The following QSOX1 variants were observed in gnomAD, a reference collection of about 807,000 sequenced individuals.
QSOX1 encodes the protein quiescin sulfhydryl oxidase 1, also known as sulfhydryl oxidase 1.
QSOX1 carries 40 observed loss-of-function variants against 76.1 expected under a neutral mutation model. The observed-to-expected ratio is 0.53, with a 90% CI of 0.41 to 0.68. QSOX1 has a LOEUF of 0.68. Among genes scored for constraint, QSOX1 ranks in the 30% least tolerant of loss-of-function variants. The pLI is 0.00. For synonymous variants in QSOX1, 392 were observed against 413.1 expected (o/e 0.95, Z 0.62); for missense variants, 931 against 974.3 (o/e 0.96, Z 0.59).
chr1:180,163,496 C>T (rs1662540223), intron 1 of QSOX1, among the ~76,000 whole-genome samples: 1 of 152,164 alleles, frequency 6.6e-6, no homozygotes, highest in Non-Finnish European at 1.5e-5. Flanking sequence ...TTCACCATTT[C>T]ATAATTTCTA....
intron 6 of QSOX1, among the ~76,000 whole-genome samples, chr1:180,182,583 T>C (rs944574532): frequency 5.3e-5 from 8 of 151,792 alleles, no homozygotes; most frequent in African/African-American, 1.9e-4. Context: ...CCTCATTACG[T>C]CCCCACCACA....
At position 180,194,279 on chromosome 1, in the gene QSOX1, G is replaced by A. The variant is rs1385785865; in HGVS notation, c.1355G>A (p.Cys452Tyr). The A allele has an allele frequency of 6.2e-7, 1 of 1,613,038 alleles. No homozygotes were observed. Among genetic ancestry groups the A allele is most frequent in the African/African-American group, 1.3e-5 (1 of 74,914 alleles). Residue 452 changes from cysteine (C) to tyrosine (Y), a missense_variant, in exon 11 of 12, where the codon TGC becomes TAC. Transcript: ENST00000367602. Reference protein sequence around the residue: ...YVHYFFGCRDCASHFEQMAAA... With the variant: ...YVHYFFGCRDYASHFEQMAAA... ...CACTACTTCTTCGGCTGCCGAGACTGCGCTAGCCACTTCGAGCAGATGGCT... is the reference window on the plus strand; with the variant it reads ...CACTACTTCTTCGGCTGCCGAGACTACGCTAGCCACTTCGAGCAGATGGCT...
Position 180,197,560 on chromosome 1 carries a change from G to A in QSOX1, c.*523G>A. 1 of 648,696 alleles carries A rather than the reference G, an allele frequency of 1.5e-6. No individual in the cohort carries two copies. The highest frequency in any genetic ancestry group is 2.6e-6 in the Non-Finnish European group (1 of 384,768). The allele number at this position is 648,696 out of a possible 1,614,324, so 40.2% of individuals were successfully genotyped here. On this transcript the variant is annotated 3_prime_UTR_variant, in exon 12 of 12. Transcript: ENST00000367602. ...ACCCCGGGCCCTCTATGCCTGGCCA[G>A]CCTCCAGCTCCTCAGACCTCCTGGG...
Position 180,155,250 on chromosome 1 carries a change from T to G in QSOX1, c.265+78T>G, listed in dbSNP as rs954891212. On this transcript the variant is annotated intron_variant, in intron 1 of 11. Transcript: ENST00000367602. ...ACCTGCCCGGTGGGCAGCCTCCTAC[T>G]CCGGGAGCGCGTCCCTCTTCCAGTC... The G allele has an allele frequency of 2.2e-5, 28 of 1,293,382 alleles. No homozygotes were observed. The South Asian group carries it at 3.9e-4, about 18-fold the overall frequency. 80.1% of individuals were successfully genotyped at this position (1,293,382 alleles called of 1,614,324 possible).
intron 1 of QSOX1, among the ~76,000 whole-genome samples, chr1:180,156,630 A>C (rs968197272): frequency 6.6e-6 from 1 of 152,222 alleles, no homozygotes; most frequent in African/African-American, 2.4e-5. Flanking sequence ...AATGAAACTT[A>C]TAAGCTGTTT....
At chr1:180,157,794 C>T (rs1317669720) in intron 1 of QSOX1, among the ~76,000 whole-genome samples, 1 of 152,196 alleles carries the variant, frequency 6.6e-6, no homozygotes, top group Non-Finnish European at 1.5e-5. Context: ...GCTAATCAAT[C>T]AGCAAATATT....
At chr1:180,188,298 C>A (rs75388497) in intron 8 of QSOX1, among the ~76,000 whole-genome samples, 1 of 152,208 alleles carries the variant, frequency 6.6e-6, no homozygotes, top group African/African-American at 2.4e-5. Context: ...CATGTCCTGC[C>A]GGTGCCTTCC....
rs539884178 is a variant in QSOX1, at chr1:180,194,271, C to T, written c.1347C>T (p.Cys449=). The part of the protein sequence containing the change: ...IRGYVHYFFG[C]RDCASHFEQM... ...GCTACGTGCACTACTTCTTCGGCTG[C>T]CGAGACTGCGCTAGCCACTTCGAGC... Residue 449 remains cysteine, a synonymous_variant, in exon 11 of 12, where the codon TGC becomes TGT. Transcript: ENST00000367602. 1 of 1,613,212 alleles carries T rather than the reference C, an allele frequency of 6.2e-7. No individual in the cohort carries two copies. Among genetic ancestry groups the T allele is most frequent in the Admixed American group, 1.7e-5 (1 of 59,914 alleles).
chr1:180,188,780 G>A (rs901789279), intron 8 of QSOX1, among the ~76,000 whole-genome samples: 29 of 152,090 alleles, frequency 1.9e-4, no homozygotes, highest in African/African-American at 6.8e-4. Flanking sequence ...TCATCCCCTC[G>A]GCCAGCCTCT....
chr1:180,159,607 C>A (rs57587074), intron 1 of QSOX1, among the ~76,000 whole-genome samples: 3,366 of 152,258 alleles, frequency 0.022, 175 homozygotes, highest in East Asian at 0.22. Context: ...AGAAACAGAT[C>A]AAAAATCTGA....
In QSOX1 at chr1:180,175,999, TG is replaced by T. The variant is rs763405014; in HGVS notation, c.483del (p.Trp161CysfsTer30). On this transcript the variant is annotated frameshift_variant, in exon 4 of 12. Transcript: ENST00000367602. LOFTEE classifies it high-confidence loss of function. ...IDALESHHDTWPPACPPLEPA... is the reference protein window; with the variant it reads ...IDALESHHDTXPPACPPLEPA... ...CGCCCTGGAGTCCCATCATGACACG[TG>T]GCCCCCAGCCTGTCCCCCACTGGAG... The T allele has an allele frequency of 6.2e-7, 1 of 1,601,462 alleles. No individual in the cohort carries two copies. The highest frequency in any genetic ancestry group is 1.1e-5 in the South Asian group (1 of 88,544).
rs1470410649 is a variant in QSOX1, at chr1:180,203,899, T to A, written c.*6862T>A. 2 of 152,240 alleles carry A rather than the reference T, an allele frequency of 1.3e-5. No homozygotes were observed. Among genetic ancestry groups the A allele is most frequent in the Non-Finnish European group, 2.9e-5 (2 of 68,038 alleles). The allele number at this position is 152,240 out of a possible 1,614,324, so 9.4% of individuals were successfully genotyped here. ...AACCTGTTCTGGGTTCTGAGGGCTG[T>A]CCAATTACTGAATCATACATAAAAG... On this transcript the variant is annotated 3_prime_UTR_variant, in exon 12 of 12. Transcript: ENST00000367602.
intron 4 of QSOX1, among the ~76,000 whole-genome samples, chr1:180,178,056 A>G (rs191828100): frequency 2.0e-5 from 3 of 152,190 alleles, no homozygotes; most frequent in Non-Finnish European, 4.4e-5. Flanking sequence ...CTTGGTCGTG[A>G]CTTGTCACAG....
chr1:180,186,269 C>G, intron 8 of QSOX1, 87 bp downstream of exon 8: 1 of 1,522,464 alleles, frequency 6.6e-7, no homozygotes, highest in Non-Finnish European at 8.8e-7. Flanking sequence ...CCGTCAGCCC[C>G]TCCCTCCAGA....
chr1:180,189,170 C>T (rs756341433), intron 8 of QSOX1, among the ~76,000 whole-genome samples: 13 of 152,180 alleles, frequency 8.5e-5, no homozygotes, highest in Non-Finnish European at 1.8e-4. Context: ...CTGTGTGGCC[C>T]AGGGCTCCCA....
At chr1:180,162,333 A>G (rs1662510486) in intron 1 of QSOX1, among the ~76,000 whole-genome samples, 1 of 152,220 alleles carries the variant, frequency 6.6e-6, no homozygotes, top group South Asian at 2.1e-4. Context: ...AATCTTTGAG[A>G]TGTTCCAGGG....
At chr1:180,190,906 T>C (rs1663292435) in intron 10 of QSOX1, among the ~76,000 whole-genome samples, 1 of 152,150 alleles carries the variant, frequency 6.6e-6, no homozygotes, top group Non-Finnish European at 1.5e-5. Context: ...CATGAAAAAA[T>C]TGTGATTCTA....
chr1:180,157,309 C>T (rs1435953432), intron 1 of QSOX1, among the ~76,000 whole-genome samples: 1 of 152,184 alleles, frequency 6.6e-6, no homozygotes, highest in East Asian at 1.9e-4. Context: ...TGTCAGCCTG[C>T]AATGAAGAAT....
Position 180,199,638 on chromosome 1 carries a change from CTG to C in QSOX1, c.*2602_*2603del, listed in dbSNP as rs1446250475. On this transcript the variant is annotated 3_prime_UTR_variant, in exon 12 of 12. Coordinates refer to ENST00000367602, the MANE Select transcript of QSOX1 (RefSeq NM_002826.5). ...TCACAATGCTGCACTGGGCTAGAAA[CTG>C]AAGCTAAAACAGATACGTGGTCCCT... 1.3e-5 allele frequency: 2 copies of C among 152,064 alleles called. No homozygotes were observed. The highest frequency in any genetic ancestry group is 2.9e-5 in the Non-Finnish European group (2 of 68,054). The allele number at this position is 152,064 out of a possible 1,614,324, so 9.4% of individuals were successfully genotyped here.
Sources: gnomAD v4.1 joint callset for allele counts (sites outside exome capture counted in the v4.1 genomes callset) on GRCh38, gnomAD v4.1.1 for gene constraint, MANE v1.5 for transcripts, NCBI Gene and HGNC (gene_info 2026-07-23, HGNC 2026-07-21) for gene names.